Variants in TOM1 observed in about 807,000 individuals in gnomAD.
The protein encoded by TOM1 is target of myb1 membrane trafficking protein, also known as target of Myb protein 1.
Under a neutral mutation model 61.3 loss-of-function variants are expected in TOM1, and 38 were observed. The ratio of observed to expected loss-of-function variants is 0.62; its 90% CI spans 0.48 to 0.81. The LOEUF is 0.81. TOM1 is among the 40% of genes least tolerant of loss of function. The pLI, the probability that TOM1 is intolerant of heterozygous loss-of-function variation, is 0.00. For synonymous variants in TOM1, 270 were observed against 268.8 expected (o/e 1.00, Z -0.04); for missense variants, 591 against 659.6 (o/e 0.90, Z 1.14).
intron 11 of TOM1, among the ~76,000 whole-genome samples, chr22:35,338,103 C>G (rs1011659763): frequency 2.0e-5 from 3 of 152,200 alleles, no homozygotes; most frequent in Non-Finnish European, 4.4e-5. Flanking sequence ...AGCCCATCAG[C>G]CTTGCGTGCC....
chr22:35,347,041 T>C lies in TOM1; in HGVS notation c.1325-14T>C. 2.1e-6 allele frequency: 3 copies of C among 1,406,274 alleles called. No individual in the cohort carries two copies. The highest frequency in any genetic ancestry group is 1.1e-5 in the South Asian group (1 of 88,286). 87.1% of individuals were successfully genotyped at this position (1,406,274 alleles called of 1,614,324 possible). The stretch of plus-strand genomic sequence containing the variant: ...GGCCTCAGGGCCTACCCTCACCCTC[T>C]CCCCTTCCTCTAGAATTTGACAAAT... On this transcript the variant is annotated splice_polypyrimidine_tract_variant and intron_variant, in intron 14 of 14. Transcript: ENST00000449058.
intron 11 of TOM1, among the ~76,000 whole-genome samples, chr22:35,337,938 GA>G (rs1377663623): frequency 2.6e-5 from 4 of 152,192 alleles, no homozygotes; most frequent in African/African-American, 9.7e-5. Flanking sequence ...CGGCAGCTGG[GA>G]AAGACACCAT....
chr22:35,333,722 A>G (rs1383746804), intron 10 of TOM1, among the ~76,000 whole-genome samples: 2 of 151,998 alleles, frequency 1.3e-5, no homozygotes, highest in Non-Finnish European at 2.9e-5. Context: ...AAATCCTACC[A>G]TCCTAGGATT....
intron 7 of TOM1, among the ~76,000 whole-genome samples, chr22:35,328,704 G>A (rs538277790): frequency 6.6e-6 from 1 of 152,200 alleles, no homozygotes; most frequent in Admixed American, 6.5e-5. Context: ...AATCCCGGAG[G>A]CCTGACCTTG....
At chr22:35,325,751 A>G (rs1024452514) in intron 6 of TOM1, among the ~76,000 whole-genome samples, 2 of 152,200 alleles carry the variant, frequency 1.3e-5, no homozygotes, top group African/African-American at 2.4e-5. Flanking sequence ...ATCTGTGTGG[A>G]TTAAGACGCT....
Position 35,323,385 on chromosome 22 carries a change from T to C in TOM1, c.367-111T>C, listed in dbSNP as rs1260003618. The C allele has an allele frequency of 3.1e-5, 40 of 1,306,830 alleles. No homozygotes were observed. Among genetic ancestry groups the C allele is most frequent in the Non-Finnish European group, 4.1e-5 (40 of 964,354 alleles). 81.0% of individuals were successfully genotyped at this position (1,306,830 alleles called of 1,614,324 possible). On this transcript the variant is annotated intron_variant, in intron 4 of 14. Transcript: ENST00000449058. This position sits in a 1 kb window ranked among gnomAD's most constrained non-coding sequence, Gnocchi z 4.2. Reference sequence around the variant, plus strand: ...GTGGAGTGGGCAGGGCAGATGTAGTTAAAAAAAAAAAAAAAGCAGGGAAAG... The same window carrying C: ...GTGGAGTGGGCAGGGCAGATGTAGTCAAAAAAAAAAAAAAAGCAGGGAAAG...
In TOM1 at chr22:35,330,228, G is replaced by A. The variant is rs528184443; in HGVS notation, c.766-119G>A. The A allele has an allele frequency of 4.8e-6, 5 of 1,041,470 alleles. No individual in the cohort carries two copies. The African/African-American group carries it at 8.1e-5, about 17-fold the overall frequency. 64.5% of individuals were successfully genotyped at this position (1,041,470 alleles called of 1,614,324 possible). A position where few individuals can be genotyped will look rare whatever the true frequency, so the allele number is the denominator to read the frequency against. On this transcript the variant is annotated intron_variant, in intron 7 of 14. Transcript: ENST00000449058. Reference sequence around the variant, plus strand: ...GAACCCAGGACACAGCTTGCAGTGAGCCAAGATCGCACCACTGCACTCCAG... The same window carrying A: ...GAACCCAGGACACAGCTTGCAGTGAACCAAGATCGCACCACTGCACTCCAG...
At chr22:35,327,207 C>T (rs546703053) in intron 6 of TOM1, 64 bp from the exon 7 acceptor site, 14 of 1,493,412 alleles carry the variant, frequency 9.4e-6, no homozygotes, top group South Asian at 9.0e-5. Flanking sequence ...TGGGTTCTGT[C>T]GCTGTGAGTA....
intron 1 of TOM1, among the ~76,000 whole-genome samples, chr22:35,302,330 C>CTTTTTTTTTT (rs138734): frequency 2.0e-4 from 14 of 70,894 alleles, no homozygotes; most frequent in South Asian, 6.6e-4. Context: ...TTTTCTTTTT[C>CTTTTTTTTTT]TTTTTTTTTT....
chr22:35,317,063 C>T (rs960752924), intron 1 of TOM1, among the ~76,000 whole-genome samples: 1 of 152,126 alleles, frequency 6.6e-6, no homozygotes, highest in Non-Finnish European at 1.5e-5. Flanking sequence ...ACAGGGGATG[C>T]CTCTAGGAAG....
At chr22:35,313,017 A>G (rs1051908491) in intron 1 of TOM1, among the ~76,000 whole-genome samples, 3 of 152,192 alleles carry the variant, frequency 2.0e-5, no homozygotes, top group Admixed American at 6.5e-5. Flanking sequence ...AGCGGGCTCC[A>G]GGCTGCTTCC....
At position 35,347,615 on chromosome 22, in the gene TOM1, C is replaced by T; in HGVS notation, c.*406C>T. 6.2e-6 allele frequency: 1 copy of T among 162,066 alleles called. No homozygotes were observed. The highest frequency in any genetic ancestry group is 1.9e-4 in the South Asian group (1 of 5,258). The allele number at this position is 162,066 out of a possible 1,614,324, so 10.0% of individuals were successfully genotyped here. ...CTGCCAGTCGAGGCCTGGCTGGAGG[C>T]TGGCCACAGTGGAAATTCTGCCGAG... On this transcript the variant is annotated 3_prime_UTR_variant, in exon 15 of 15. Coordinates refer to ENST00000449058, the MANE Select transcript of TOM1 (RefSeq NM_005488.3).
intron 12 of TOM1, among the ~76,000 whole-genome samples, chr22:35,340,824 C>T (rs567736352): frequency 2.0e-5 from 3 of 152,308 alleles, no homozygotes; most frequent in South Asian, 2.1e-4. Context: ...GTCTTCGTGA[C>T]CCCCAAGGGC....
At chr22:35,302,556 A>G (rs973671591) in intron 1 of TOM1, among the ~76,000 whole-genome samples, 2 of 152,122 alleles carry the variant, frequency 1.3e-5, no homozygotes, top group East Asian at 1.9e-4. Flanking sequence ...GGCTGGTCTC[A>G]AACCTGAACA....
Position 35,334,449 on chromosome 22 carries a change from G to C in TOM1, c.1148+1G>C. On this transcript the variant is annotated splice_donor_variant, in intron 11 of 14. Coordinates refer to ENST00000449058, the MANE Select transcript of TOM1 (RefSeq NM_005488.3). LOFTEE classifies it high-confidence loss of function. ...GCTCACTGGCTGACCAACGGAAAGA[G>C]TGAGTGGCCTGGCCCTGCCCTGGTC... is the stretch of plus-strand genomic sequence containing the variant. 6.2e-7 allele frequency: 1 copy of C among 1,614,002 alleles called. No homozygotes were observed. The highest frequency in any genetic ancestry group is 8.5e-7 in the Non-Finnish European group (1 of 1,180,002).
chr22:35,299,651 C>T (rs1925525209), upstream of TOM1: 1 of 499,436 alleles, frequency 2.0e-6, no homozygotes, highest in Non-Finnish European at 3.6e-6. Flanking sequence ...AGGTCAGGGG[C>T]GTGGCTTAAA....
rs1279350917 is a variant in TOM1, at chr22:35,312,809, G to A, written c.53-5068G>A. Among the ~76,000 whole-genome samples the A allele has an allele frequency of 1.2e-4, 19 of 152,352 alleles. 1 individual carries two copies. The highest frequency in any genetic ancestry group is 3.4e-3 in the Middle Eastern group (1 of 294). Reference sequence around the variant, plus strand: ...GAAGGGGGTACAGCTGACTGTGGCTGACGCCAGCCCCTGGAGAGTTCAGGC... The same window carrying A: ...GAAGGGGGTACAGCTGACTGTGGCTAACGCCAGCCCCTGGAGAGTTCAGGC... On this transcript the variant is annotated intron_variant, in intron 1 of 14. Coordinates refer to ENST00000449058, the MANE Select transcript of TOM1 (RefSeq NM_005488.3).
chr22:35,331,272 CTTT>C (rs547060393), intron 8 of TOM1: 15 of 399,850 alleles, frequency 3.8e-5, no homozygotes, highest in South Asian at 7.2e-5. Context: ...ATTTTCTTTT[CTTT>C]TTTTTTTTTT....
chr22:35,330,120 C>G (rs1240343362), intron 7 of TOM1, among the ~76,000 whole-genome samples: 1 of 151,372 alleles, frequency 6.6e-6, no homozygotes, highest in African/African-American at 2.4e-5. Context: ...TCTACTAAAA[C>G]TACAAAAAAA....
Sources: gnomAD v4.1 joint callset for allele counts (sites outside exome capture counted in the v4.1 genomes callset) on GRCh38, gnomAD v4.1.1 for gene constraint, Gnocchi (gnomAD v3.1) non-coding constraint, MANE v1.5 for transcripts, NCBI Gene and HGNC (gene_info 2026-07-23, HGNC 2026-07-21) for gene names.